Variants in ROBO2 observed in about 807,000 individuals in gnomAD.
ROBO2 encodes roundabout homolog 2.
A neutral mutation model predicts 160.8 loss-of-function variants in ROBO2; 53 were observed. The ratio of observed to expected loss-of-function variants is 0.33; its 90% confidence interval spans 0.26 to 0.41. ROBO2 has a LOEUF of 0.41. Among genes scored for constraint, ROBO2 ranks in the 10% least tolerant of loss-of-function variants. ROBO2 has a pLI of 1.00. For missense variants in ROBO2, 1,577 were observed against 1,722.4 expected (o/e 0.92, Z 1.49); for synonymous variants, 664 against 611.7 (o/e 1.09, Z -1.26).
chr3:77,520,825 A>C (rs1308975092), intron 5 of ROBO2, among the ~76,000 whole-genome samples: 1 of 151,430 alleles, frequency 6.6e-6, no homozygotes, highest in African/African-American at 2.4e-5. Flanking sequence ...CATCAAATAC[A>C]TCACCAGTAA....
chr3:76,027,557 T>C (rs898052127), intron 2 of ROBO2, among the ~76,000 whole-genome samples: 3 of 151,870 alleles, frequency 2.0e-5, no homozygotes, highest in Admixed American at 1.3e-4. Flanking sequence ...AGTTCTAATA[T>C]CATAAATAAT....
At chr3:77,141,879 A>G (rs2076733885) in intron 2 of ROBO2, among the ~76,000 whole-genome samples, 1 of 152,230 alleles carries the variant, frequency 6.6e-6, no homozygotes, top group African/African-American at 2.4e-5. Flanking sequence ...TAATACTGCC[A>G]TATTCCTCTA....
chr3:76,877,603 G>A (rs555700955), intron 2 of ROBO2, among the ~76,000 whole-genome samples: 24 of 152,194 alleles, frequency 1.6e-4, no homozygotes, highest in African/African-American at 5.1e-4. Context: ...TTGTATCTTC[G>A]AAAGTTCTAT....
chr3:76,844,182 A>C (rs950490279), intron 2 of ROBO2, among the ~76,000 whole-genome samples: 4 of 152,008 alleles, frequency 2.6e-5, no homozygotes, highest in African/African-American at 9.7e-5. Context: ...TGCTTCATGC[A>C]ACGTCATTTG....
chr3:77,526,272 G>A (rs1185707244), intron 6 of ROBO2, among the ~76,000 whole-genome samples: 1 of 151,434 alleles, frequency 6.6e-6, no homozygotes, highest in Admixed American at 6.6e-5. Flanking sequence ...CTAGTATTAC[G>A]ATGTATCTGT....
At chr3:77,587,276 C>G (rs972576093) in intron 16 of ROBO2, among the ~76,000 whole-genome samples, 2 of 151,950 alleles carry the variant, frequency 1.3e-5, no homozygotes, top group Non-Finnish European at 2.9e-5. Flanking sequence ...CCTGGAGGGT[C>G]GTGTGCACTT....
At chr3:76,223,277 T>C (rs1438307414) in intron 2 of ROBO2, among the ~76,000 whole-genome samples, 1 of 151,928 alleles carries the variant, frequency 6.6e-6, no homozygotes, top group Non-Finnish European at 1.5e-5. Context: ...AGCATTATTT[T>C]ATATTCCAAC....
Position 77,134,694 on chromosome 3 carries a change from A to G in ROBO2, c.388+36354A>G, listed in dbSNP as rs116472774. On this transcript the variant is annotated intron_variant, in intron 2 of 25. Coordinates refer to ENST00000461745, the Ensembl canonical transcript of ROBO2. ...GTCTCAGTCTATTCTTGATCAAAGCATGACCTGCTCACTAAAGCTTTCATA... is the reference window on the plus strand; with the variant it reads ...GTCTCAGTCTATTCTTGATCAAAGCGTGACCTGCTCACTAAAGCTTTCATA... Among the ~76,000 whole-genome samples, 971 of 152,304 alleles carry G rather than the reference A, an allele frequency of 6.4e-3. 6 individuals are homozygous for G. The highest frequency in any genetic ancestry group is 0.014 in the Middle Eastern group (4 of 294).
chr3:77,175,506 G>T (rs2080063483), intron 2 of ROBO2, among the ~76,000 whole-genome samples: 2 of 151,982 alleles, frequency 1.3e-5, no homozygotes, highest in South Asian at 4.2e-4. Context: ...AACATGAAGT[G>T]ATATTGTTGG....
chr3:75,986,617 C>T (rs1354893271), intron 2 of ROBO2, among the ~76,000 whole-genome samples: 4 of 151,444 alleles, frequency 2.6e-5, no homozygotes, highest in African/African-American at 7.3e-5. Flanking sequence ...AAATCATTGC[C>T]AACTCTAATG....
intron 19 of ROBO2, among the ~76,000 whole-genome samples, chr3:77,598,345 G>A (rs1278254546): frequency 6.6e-6 from 1 of 151,246 alleles, no homozygotes; most frequent in African/African-American, 2.4e-5. Context: ...TACCAACTAT[G>A]AGAAGGGGAA....
Position 76,658,921 on chromosome 3 carries a change from T to C in ROBO2, c.110-439093T>C, listed in dbSNP as rs75599984. 4.5e-3 allele frequency among the ~76,000 whole-genome samples: 681 copies of C among 152,280 alleles called. 2 individuals are homozygous for C. The highest frequency in any genetic ancestry group is 8.4e-3 in the Non-Finnish European group (570 of 68,024). On this transcript the variant is annotated intron_variant, in intron 2 of 26. Transcript: ENST00000487694. Reference sequence around the variant, plus strand: ...TATTTAGTTTATTTTATTTAAGTTATCCTTTATTAGTAGTTATTATGCTTT... The same window carrying C: ...TATTTAGTTTATTTTATTTAAGTTACCCTTTATTAGTAGTTATTATGCTTT...
rs530976333 is a variant in ROBO2 at position 77,423,625 on chromosome 3, A to T, written c.389-53789A>T. Among the ~76,000 whole-genome samples the T allele has an allele frequency of 1.6e-4, 25 of 152,184 alleles. No individual in the cohort carries two copies. In the South Asian group the frequency reaches 5.2e-3, roughly 32 times the overall value. On this transcript the variant is annotated intron_variant, in intron 2 of 25. Transcript: ENST00000461745. ...TTTCTGACAGGAACACTTACTTTTCATCTGTATGGTCTCACCTGGAACACT... is the reference window on the plus strand; with the variant it reads ...TTTCTGACAGGAACACTTACTTTTCTTCTGTATGGTCTCACCTGGAACACT...
At chr3:77,523,905 C>T (rs1333310971) in intron 6 of ROBO2, among the ~76,000 whole-genome samples, 2 of 151,178 alleles carry the variant, frequency 1.3e-5, no homozygotes, top group Non-Finnish European at 3.0e-5. Context: ...GCTTTGCTCC[C>T]AAAGAGATTC....
chr3:77,115,932 C>G (rs1238176884), intron 2 of ROBO2, among the ~76,000 whole-genome samples: 1 of 152,052 alleles, frequency 6.6e-6, no homozygotes, highest in African/African-American at 2.4e-5. Flanking sequence ...TGACCCTGAC[C>G]CCTTCGTGGC....
intron 6 of ROBO2, among the ~76,000 whole-genome samples, chr3:77,540,537 G>A (rs928796175): frequency 9.9e-5 from 15 of 151,992 alleles, no homozygotes; most frequent in African/African-American, 3.6e-4. Flanking sequence ...ATAGGCACAG[G>A]GAGGGGAACA....
intron 2 of ROBO2, among the ~76,000 whole-genome samples, chr3:77,459,002 C>A (rs2081975729): frequency 6.6e-6 from 1 of 152,056 alleles, no homozygotes; most frequent in Non-Finnish European, 1.5e-5. Flanking sequence ...TTCAATTGAC[C>A]TTATAGACAA....
At chr3:77,237,763 G>A (rs2088297090) in intron 2 of ROBO2, among the ~76,000 whole-genome samples, 1 of 152,078 alleles carries the variant, frequency 6.6e-6, no homozygotes. Flanking sequence ...CCAAACAGTG[G>A]AATTTCTACA....
intron 2 of ROBO2, among the ~76,000 whole-genome samples, chr3:76,506,667 T>G (rs2080814660): frequency 6.6e-6 from 1 of 152,200 alleles, no homozygotes; most frequent in African/African-American, 2.4e-5. Flanking sequence ...TGTCCTCATT[T>G]TATCAGACAA....
Sources: allele counts gnomAD v4.1 joint callset (sites outside exome capture counted in the v4.1 genomes callset), GRCh38; gene constraint gnomAD v4.1.1; transcripts MANE v1.5; gene names NCBI Gene and HGNC (gene_info 2026-07-23, HGNC 2026-07-21).